The following GRID2 variants were observed in gnomAD, a reference collection of about 807,000 sequenced individuals.
The protein encoded by GRID2 is glutamate receptor ionotropic, delta-2.
A neutral mutation model predicts 114.8 loss-of-function variants in GRID2; 33 were observed. The observed-to-expected ratio is 0.29, with a 90% CI of 0.22 to 0.38. GRID2 has a LOEUF of 0.38. Among genes scored for constraint, GRID2 ranks in the 10% least tolerant of loss-of-function variants. The pLI, the probability that GRID2 is intolerant of heterozygous loss-of-function variation, is 1.00. For synonymous variants in GRID2, 505 were observed against 449.9 expected (o/e 1.12, Z -1.55); for missense variants, 1,184 against 1,257.7 (o/e 0.94, Z 0.89).
chr4:92,826,563 A>G (rs1055554140), intron 2 of GRID2, among the ~76,000 whole-genome samples: 6 of 152,124 alleles, frequency 3.9e-5, no homozygotes, highest in Admixed American at 6.6e-5. Flanking sequence ...CTGCATGTCC[A>G]GTATCCATAA....
At chr4:93,586,034 C>G (rs572355969) in intron 13 of GRID2, among the ~76,000 whole-genome samples, 1 of 152,200 alleles carries the variant, frequency 6.6e-6, no homozygotes, top group East Asian at 1.9e-4. Flanking sequence ...TTGATGACAG[C>G]CAAACCTATG....
intron 1 of GRID2, among the ~76,000 whole-genome samples, chr4:92,316,290 A>G (rs1725976705): frequency 6.6e-6 from 1 of 152,192 alleles, no homozygotes; most frequent in South Asian, 2.1e-4. Flanking sequence ...GAACCATTAT[A>G]CATTTCTTCT....
At chr4:92,857,798 G>T (rs1479230812) in intron 2 of GRID2, among the ~76,000 whole-genome samples, 2 of 152,174 alleles carry the variant, frequency 1.3e-5, no homozygotes, top group African/African-American at 4.8e-5. Context: ...GGATAAACAT[G>T]CTATCTAGGA....
chr4:93,185,050 A>G (rs1379653378), intron 4 of GRID2, among the ~76,000 whole-genome samples: 1 of 152,232 alleles, frequency 6.6e-6, no homozygotes, highest in Non-Finnish European at 1.5e-5. Context: ...TAGGATTATT[A>G]GTTAGTGTTA....
At chr4:92,839,390 G>T (rs914577531) in intron 2 of GRID2, among the ~76,000 whole-genome samples, 1 of 150,206 alleles carries the variant, frequency 6.7e-6, no homozygotes, top group African/African-American at 2.5e-5. Flanking sequence ...TTGGCATTAG[G>T]TATATCTCCT....
At chr4:92,825,248 G>T (rs532143203) in intron 2 of GRID2, among the ~76,000 whole-genome samples, 114 of 152,180 alleles carry the variant, frequency 7.5e-4, no homozygotes, top group African/African-American at 2.7e-3. Flanking sequence ...ATCATCCTAT[G>T]AACTCAAGGA....
intron 14 of GRID2, among the ~76,000 whole-genome samples, chr4:93,718,313 G>A (rs1399704166): frequency 6.6e-6 from 1 of 152,100 alleles, no homozygotes; most frequent in Non-Finnish European, 1.5e-5. Flanking sequence ...ACATACTCTA[G>A]AATTCTATCA....
chr4:92,319,056 G>C (rs936488337), intron 1 of GRID2, among the ~76,000 whole-genome samples: 1 of 152,078 alleles, frequency 6.6e-6, no homozygotes, highest in Non-Finnish European at 1.5e-5. Flanking sequence ...TTTTAAATGA[G>C]AATGTATAAT....
At chr4:93,488,006 A>C (rs17020671) in intron 11 of GRID2, among the ~76,000 whole-genome samples, 11,467 of 152,036 alleles carry the variant, frequency 0.075, 892 homozygotes, top group African/African-American at 0.2. Context: ...CAATTTTTAT[A>C]ACAAAGATTA....
chr4:93,037,852 A>G (rs1293670943), intron 2 of GRID2, among the ~76,000 whole-genome samples: 2 of 152,120 alleles, frequency 1.3e-5, no homozygotes, highest in African/African-American at 4.8e-5. Context: ...CTTGTAGTAT[A>G]GTTTGAAGTT....
At chr4:93,715,874 A>G (rs747249290) in intron 14 of GRID2, among the ~76,000 whole-genome samples, 3 of 152,166 alleles carry the variant, frequency 2.0e-5, no homozygotes, top group Non-Finnish European at 4.4e-5. Context: ...GTCATCTTCA[A>G]ACAAAGCTAG....
chr4:92,471,352 C>T (rs1028589279), intron 1 of GRID2, among the ~76,000 whole-genome samples: 1 of 151,972 alleles, frequency 6.6e-6, no homozygotes, highest in Non-Finnish European at 1.5e-5. Flanking sequence ...GACCAGTGAC[C>T]TTGTACAACC....
At chr4:92,398,303 T>C (rs1203346420) in intron 1 of GRID2, among the ~76,000 whole-genome samples, 1 of 152,118 alleles carries the variant, frequency 6.6e-6, no homozygotes, top group Non-Finnish European at 1.5e-5. Context: ...ATTATTATTA[T>C]TATTAATTTG....
Position 92,861,501 on chromosome 4 carries a change from G to T in GRID2, c.245-223494G>T, listed in dbSNP as rs17019945. ...TTCTCATATGGTCCTCATTGACCAC[G>T]AGACTAGGTTAACCATAGCTGTCAC... On this transcript the variant is annotated intron_variant, in intron 2 of 15. Coordinates refer to ENST00000282020, the MANE Select transcript of GRID2 (RefSeq NM_001510.4). Among the ~76,000 whole-genome samples the T allele has an allele frequency of 5.9e-3, 901 of 152,082 alleles. 16 individuals carry two copies. The highest frequency in any genetic ancestry group is 0.021 in the African/African-American group (855 of 41,516).
At chr4:93,385,722 A>G (rs967514370) in intron 8 of GRID2, among the ~76,000 whole-genome samples, 1 of 152,022 alleles carries the variant, frequency 6.6e-6, no homozygotes, top group Non-Finnish European at 1.5e-5. Flanking sequence ...TAATATAAAA[A>G]AAAATTCACA....
chr4:92,562,129 CTAATGA>C lies in GRID2; in HGVS notation c.89-28000_89-27995del, dbSNP rs1312037111. Among the ~76,000 whole-genome samples the C allele has an allele frequency of 1.4e-4, 21 of 152,094 alleles. 1 individual carries two copies. Among genetic ancestry groups the C allele is most frequent in the Non-Finnish European group, 1.5e-5 (1 of 68,012 alleles). ...TTTGAATTCATTTCTTACAATTAGT[CTAATGA>C]TCCATTCTTTCCTGGAGGGCTTAAT... On this transcript the variant is annotated intron_variant, in intron 1 of 15. Transcript: ENST00000282020.
intron 4 of GRID2, among the ~76,000 whole-genome samples, chr4:93,151,898 TAATTTA>T (rs1736773455): frequency 6.6e-6 from 1 of 152,164 alleles, no homozygotes; most frequent in Non-Finnish European, 1.5e-5. Context: ...CTGAAATTCT[TAATTTA>T]AATTTAATAA....
chr4:92,574,281 T>C (rs1727776728), intron 1 of GRID2, among the ~76,000 whole-genome samples: 1 of 152,200 alleles, frequency 6.6e-6, no homozygotes, highest in South Asian at 2.1e-4. Flanking sequence ...TGGGGGCATT[T>C]ATCCCATTTA....
intron 2 of GRID2, among the ~76,000 whole-genome samples, chr4:92,859,262 C>T (rs1186140484): frequency 1.3e-5 from 2 of 152,090 alleles, no homozygotes; most frequent in African/African-American, 4.8e-5. Flanking sequence ...CACAATCATT[C>T]ACAATTTATA....
Sources: allele counts gnomAD v4.1 joint callset (sites outside exome capture counted in the v4.1 genomes callset), GRCh38; gene constraint gnomAD v4.1.1; transcripts MANE v1.5; gene names NCBI Gene and HGNC (gene_info 2026-07-23, HGNC 2026-07-21).